The following MRE11 variants were observed in gnomAD, a reference collection of about 807,000 sequenced individuals.
MRE11 encodes MRE11 double strand break repair nuclease, also known as double-strand break repair protein MRE11.
Under a neutral mutation model 91.7 loss-of-function variants are expected in MRE11, and 62 were observed. That is an observed-to-expected ratio of 0.68 (90% CI 0.55 to 0.84). The LOEUF is 0.84. Among genes scored for constraint, MRE11 ranks in the 40% least tolerant of loss-of-function variants. MRE11 has a pLI of 0.00. For missense variants in MRE11, 796 were observed against 852.9 expected (o/e 0.93, Z 0.83); for synonymous variants, 273 against 271.4 (o/e 1.01, Z -0.06).
intron 5 of MRE11, 114 bp downstream of exon 5, chr11:94,479,560 G>C (rs1163315119): frequency 2.3e-6 from 2 of 871,318 alleles, no homozygotes; most frequent in Non-Finnish European, 3.7e-6. Flanking sequence ...AAGTCAACTT[G>C]ACTTTTGACT....
the MRE11 span, among the ~76,000 whole-genome samples, chr11:94,511,696 T>G: frequency 1.3e-5 from 2 of 152,198 alleles, no homozygotes; most frequent in African/African-American, 2.4e-5. Context: ...CTATATTTGG[T>G]TGCAAGCCTT....
chr11:94,503,702 A>G, the MRE11 span, among the ~76,000 whole-genome samples: 1 of 151,836 alleles, frequency 6.6e-6, no homozygotes, highest in African/African-American at 2.4e-5. Flanking sequence ...TGTCAAAAAA[A>G]AAAAAAGAAA....
rs1008952688 is a variant in MRE11 at position 94,460,938 on chromosome 11, T to C, written c.1324A>G (p.Lys442Glu). The C allele has an allele frequency of 6.2e-7, 1 of 1,612,122 alleles. No homozygotes were observed. The highest frequency in any genetic ancestry group is 1.7e-4 in the Middle Eastern group (1 of 6,014). ...LVKQYFQTAE[K>E]NVQLSLLTER... ...AAATGTGAACTGTAAGAAATTACCTTCTCTGCGGTTTGAAAGTACTGTTTT... is the reference window on the plus strand; with the variant it reads ...AAATGTGAACTGTAAGAAATTACCTCCTCTGCGGTTTGAAAGTACTGTTTT... The change falls in exon 12 of 20, where the codon AAG becomes GAG. Residue 442 changes from lysine to glutamate, a missense_variant and splice_region_variant. Physicochemically the swap from Lys to Glu is moderately conservative, Grantham distance 56. Coordinates refer to ENST00000323929, the MANE Select transcript of MRE11 (RefSeq NM_005591.4).
intron 16 of MRE11, among the ~76,000 whole-genome samples, chr11:94,444,009 G>A (rs1433839507): frequency 1.4e-5 from 2 of 148,090 alleles, no homozygotes; most frequent in Non-Finnish European, 3.0e-5. Context: ...CTCGGTTCAA[G>A]TATTCTCCTG....
chr11:94,465,970 T>C (rs939405010), intron 10 of MRE11, among the ~76,000 whole-genome samples: 9 of 152,032 alleles, frequency 5.9e-5, no homozygotes, highest in African/African-American at 1.9e-4. Flanking sequence ...ATAAGAGGTA[T>C]GTACAAAGTT....
At chr11:94,451,662 A>G (rs1291512397) in intron 14 of MRE11, among the ~76,000 whole-genome samples, 1 of 152,186 alleles carries the variant, frequency 6.6e-6, no homozygotes, top group Non-Finnish European at 1.5e-5. Context: ...TATGTACATA[A>G]TAATATAACT....
At chr11:94,442,976 C>T (rs973601298) in intron 16 of MRE11, among the ~76,000 whole-genome samples, 1 of 152,166 alleles carries the variant, frequency 6.6e-6, no homozygotes, top group Non-Finnish European at 1.5e-5. Flanking sequence ...AAGCAAAAAG[C>T]TAAGGATCTT....
intron 19 of MRE11, among the ~76,000 whole-genome samples, chr11:94,422,453 TAATA>T (rs1945197306): frequency 6.6e-6 from 1 of 152,138 alleles, no homozygotes; most frequent in Non-Finnish European, 1.5e-5. Context: ...AGTGAGTACT[TAATA>T]AATATTCATT....
the MRE11 span, among the ~76,000 whole-genome samples, chr11:94,511,190 T>TATATATAG: frequency 6.6e-6 from 1 of 152,246 alleles, no homozygotes; most frequent in Middle Eastern, 3.4e-3. Context: ...TCTCTATATA[T>TATATATAG]ATAGATAGAT....
Position 94,437,251 on chromosome 11 carries a change from T to C in MRE11, c.1868-16A>G. The C allele has an allele frequency of 6.2e-7, 1 of 1,610,742 alleles. No individual in the cohort carries two copies. Among genetic ancestry groups the C allele is most frequent in the Non-Finnish European group, 8.5e-7 (1 of 1,177,810 alleles). ...GATTTAAAGGCTAGAATGAAAAAGATGAAATGTGCATTATGTTATTCTTAA... is the reference window on the plus strand; with the variant it reads ...GATTTAAAGGCTAGAATGAAAAAGACGAAATGTGCATTATGTTATTCTTAA... On this transcript the variant is annotated splice_polypyrimidine_tract_variant and intron_variant, in intron 16 of 19. Transcript: ENST00000323929.
At chr11:94,449,298 A>G (rs899284284) in intron 14 of MRE11, among the ~76,000 whole-genome samples, 1 of 152,192 alleles carries the variant, frequency 6.6e-6, no homozygotes, top group African/African-American at 2.4e-5. Flanking sequence ...AAAAGAAAAC[A>G]CTTCAGGAAA....
chr11:94,497,038 TC>T (rs1947426461), upstream of MRE11: 1 of 1,533,552 alleles, frequency 6.5e-7, no homozygotes, highest in African/African-American at 1.4e-5. Context: ...GTTATGGCCA[TC>T]ATACCTATCT....
At chr11:94,487,719 T>C (rs1947177632) in intron 3 of MRE11, among the ~76,000 whole-genome samples, 2 of 152,168 alleles carry the variant, frequency 1.3e-5, no homozygotes, top group African/African-American at 4.8e-5. Flanking sequence ...TACTCTCAAA[T>C]GGTTCAGGAA....
Position 94,464,239 on chromosome 11 carries a change from C to T in MRE11, c.1099G>A (p.Val367Met). Residue 367 changes from valine to methionine, a missense_variant and splice_region_variant, in exon 11 of 20, where the codon GTG (valine) becomes ATG (methionine). Val to Met is a conservative substitution (Grantham distance 21). Transcript: ENST00000323929. ...QPEKPLVRLR[V>M]DYSGGFEPFS... ...GGTTCAAAACCTCCACTATAGTCCA[C>T]CTGAAAACACAGAATAATCTATGAA... is the stretch of plus-strand genomic sequence containing the variant. 2 of 1,613,820 alleles carry T rather than the reference C, an allele frequency of 1.2e-6. No individual in the cohort carries two copies. Among genetic ancestry groups the T allele is most frequent in the Non-Finnish European group, 1.7e-6 (2 of 1,179,860 alleles).
chr11:94,498,892 C>A, the MRE11 span: 1 of 208,448 alleles, frequency 4.8e-6, no homozygotes, highest in Admixed American at 5.4e-5. Context: ...AGTATATTGA[C>A]ATATATTTTT....
chr11:94,434,273 T>C (rs1399278481), intron 18 of MRE11, among the ~76,000 whole-genome samples: 1 of 152,132 alleles, frequency 6.6e-6, no homozygotes, highest in Non-Finnish European at 1.5e-5. Flanking sequence ...TGCTCTAACA[T>C]TAACCTTTAA....
chr11:94,454,569 TATA>T (rs1323872106), intron 14 of MRE11, among the ~76,000 whole-genome samples: 1 of 152,128 alleles, frequency 6.6e-6, no homozygotes, highest in Non-Finnish European at 1.5e-5. Flanking sequence ...TGAAAAAATA[TATA>T]ATATCTTATG....
intron 8 of MRE11, 32 bp downstream of exon 8, chr11:94,471,542 T>C (rs1323901892): frequency 6.2e-7 from 1 of 1,605,588 alleles, no homozygotes; most frequent in Non-Finnish European, 8.5e-7. Context: ...CAAAGATTTC[T>C]TAAAAATTGG....
At chr11:94,462,789 T>G (rs999534989) in intron 11 of MRE11, among the ~76,000 whole-genome samples, 2 of 152,108 alleles carry the variant, frequency 1.3e-5, no homozygotes, top group Non-Finnish European at 2.9e-5. Flanking sequence ...TCAAGATGGA[T>G]TAAAGACTTA....
Sources: gnomAD v4.1 joint callset for allele counts (sites outside exome capture counted in the v4.1 genomes callset) on GRCh38, gnomAD v4.1.1 for gene constraint, MANE v1.5 for transcripts, NCBI Gene and HGNC (gene_info 2026-07-23, HGNC 2026-07-21) for gene names.